Variants in TRPM3 observed in about 807,000 individuals in gnomAD.
The protein encoded by TRPM3 is long transient receptor potential channel 3.
A neutral mutation model predicts 181.2 loss-of-function variants in TRPM3; 77 were observed. The observed-to-expected ratio is 0.42, with a 90% CI of 0.35 to 0.51. TRPM3 has a LOEUF of 0.51. Ranked by LOEUF, TRPM3 falls within the 20% of genes least tolerant of loss-of-function variation. The probability of loss-of-function intolerance (pLI) is 0.01; values close to 1 mark genes in which losing one functional copy is unlikely to be tolerated. For synonymous variants in TRPM3, 745 were observed against 796.4 expected (o/e 0.94, Z 1.09); for missense variants, 1,759 against 2,196.7 (o/e 0.80, Z 3.98).
Position 70,843,146 on chromosome 9 carries a change from CATTG to C in TRPM3, c.677-23_677-20del. 1.9e-6 allele frequency: 3 copies of C among 1,592,252 alleles called. No individual in the cohort carries two copies. Among genetic ancestry groups the C allele is most frequent in the Non-Finnish European group, 2.6e-6 (3 of 1,173,294 alleles). ...ATAACACCTAAAAAAAAAAGAGAAG[CATTG>C]ATTTTTTCTTTTAAAGCAAATACCT... is the stretch of plus-strand genomic sequence containing the variant. On this transcript the variant is annotated intron_variant, in intron 4 of 25. Transcript: ENST00000677713.
chr9:70,926,821 T>A (rs2096725906), intron 1 of TRPM3, among the ~76,000 whole-genome samples: 1 of 152,210 alleles, frequency 6.6e-6, no homozygotes, highest in Admixed American at 6.5e-5. Context: ...AAAAACTAAA[T>A]TTTCAAAGGT....
chr9:71,276,601 C>T (rs2084232655), intron 1 of TRPM3, among the ~76,000 whole-genome samples: 2 of 152,056 alleles, frequency 1.3e-5, no homozygotes, highest in South Asian at 4.1e-4. Flanking sequence ...CAATTAAAAT[C>T]ATGAGATATA....
intron 1 of TRPM3, among the ~76,000 whole-genome samples, chr9:71,356,359 T>A (rs1287186247): frequency 6.6e-6 from 1 of 152,096 alleles, no homozygotes; most frequent in East Asian, 1.9e-4. Flanking sequence ...GTGTGTTGTT[T>A]CCCTGTATGC....
intron 1 of TRPM3, among the ~76,000 whole-genome samples, chr9:71,120,396 A>G (rs562618470): frequency 1.3e-5 from 2 of 152,296 alleles, no homozygotes; most frequent in East Asian, 1.9e-4. Context: ...AAGAAAGATC[A>G]TGAAGGTGGA....
At chr9:70,566,627 T>G (rs2050667252) in intron 22 of TRPM3, among the ~76,000 whole-genome samples, 1 of 152,224 alleles carries the variant, frequency 6.6e-6, no homozygotes, top group Non-Finnish European at 1.5e-5. Context: ...TCTTATCTAC[T>G]AAGTAAACCC....
intron 1 of TRPM3, among the ~76,000 whole-genome samples, chr9:71,041,830 A>G (rs2058859419): frequency 6.6e-6 from 1 of 152,074 alleles, no homozygotes; most frequent in African/African-American, 2.4e-5. Flanking sequence ...TCTATATTCA[A>G]AACAGAACAC....
intron 6 of TRPM3, among the ~76,000 whole-genome samples, chr9:70,822,414 G>T (rs895656437): frequency 6.6e-6 from 1 of 152,130 alleles, no homozygotes; most frequent in Non-Finnish European, 1.5e-5. Context: ...TCAATAGCAA[G>T]CCCTCTTGAG....
chr9:71,128,031 G>C (rs1233401763), intron 1 of TRPM3, among the ~76,000 whole-genome samples: 2 of 152,174 alleles, frequency 1.3e-5, no homozygotes, highest in Non-Finnish European at 2.9e-5. Flanking sequence ...CCCACAGCTA[G>C]TGATCTAGGA....
chr9:70,783,473 G>A (rs554410482), intron 7 of TRPM3, among the ~76,000 whole-genome samples: 1 of 152,238 alleles, frequency 6.6e-6, no homozygotes, highest in East Asian at 1.9e-4. Context: ...TGCTGTGAAG[G>A]GGGAATCTTT....
intron 1 of TRPM3, among the ~76,000 whole-genome samples, chr9:71,068,365 G>A (rs1475642400): frequency 1.3e-5 from 2 of 152,204 alleles, no homozygotes; most frequent in Non-Finnish European, 2.9e-5. Context: ...TCTGCTTCCT[G>A]CTTTCTGGCA....
chr9:70,646,962 G>A (rs934033365), intron 9 of TRPM3, among the ~76,000 whole-genome samples: 3 of 150,926 alleles, frequency 2.0e-5, no homozygotes, highest in African/African-American at 7.3e-5. Context: ...TAAATTCCTT[G>A]TAACATACAA....
chr9:71,201,233 T>C (rs1279203615), intron 1 of TRPM3, among the ~76,000 whole-genome samples: 2 of 152,106 alleles, frequency 1.3e-5, no homozygotes, highest in South Asian at 4.1e-4. Flanking sequence ...GAGTTTCTGC[T>C]GAGACATCTG....
chr9:70,831,886 G>A (rs1318083450), intron 5 of TRPM3, among the ~76,000 whole-genome samples: 1 of 147,740 alleles, frequency 6.8e-6, no homozygotes, highest in African/African-American at 2.5e-5. Flanking sequence ...ATGCTTGAGG[G>A]AATGACTACC....
chr9:70,596,100 A>G (rs1349242408), intron 21 of TRPM3, among the ~76,000 whole-genome samples: 1 of 152,204 alleles, frequency 6.6e-6, no homozygotes, highest in Non-Finnish European at 1.5e-5. Flanking sequence ...TTTGTCAACC[A>G]CCAACTATGA....
chr9:71,283,889 T>A (rs530446327), intron 1 of TRPM3, among the ~76,000 whole-genome samples: 2 of 152,350 alleles, frequency 1.3e-5, no homozygotes, highest in East Asian at 3.9e-4. Flanking sequence ...CTGAGAGTTA[T>A]GTTTCATAAT....
chr9:70,930,529 T>C (rs1268253363), intron 1 of TRPM3, among the ~76,000 whole-genome samples: 3 of 152,192 alleles, frequency 2.0e-5, no homozygotes, highest in Admixed American at 2.0e-4. Flanking sequence ...AATCTTAACA[T>C]TTAAGTCACA....
Position 71,332,378 on chromosome 9 carries a change from T to G in TRPM3, c.183+114275A>C, listed in dbSNP as rs202185743. Among the ~76,000 whole-genome samples the G allele has an allele frequency of 1.5e-3, 187 of 124,110 alleles. 2 individuals carry two copies. In the Middle Eastern group the frequency reaches 0.031, roughly 20 times the overall value. 81.4% of individuals were successfully genotyped at this position (124,110 alleles called of 152,430 possible). On this transcript the variant is annotated intron_variant, in intron 1 of 24. Transcript: ENST00000357533. Reference sequence around the variant, plus strand: ...TAGGTCAGTGGTTTTCAATGTTGGGTGTGTGTGTGTGTGTGTGTGTGTGTG... The same window carrying G: ...TAGGTCAGTGGTTTTCAATGTTGGGGGTGTGTGTGTGTGTGTGTGTGTGTG...
chr9:70,638,954 G>A (rs1412688257), intron 11 of TRPM3, 106 bp downstream of exon 11: 6 of 1,258,470 alleles, frequency 4.8e-6, no homozygotes, highest in Non-Finnish European at 6.6e-6. Flanking sequence ...AATGAACCAT[G>A]CATTTGGACG....
intron 1 of TRPM3, among the ~76,000 whole-genome samples, chr9:71,298,565 C>A (rs1380421072): frequency 6.6e-6 from 1 of 151,702 alleles, no homozygotes; most frequent in African/African-American, 2.4e-5. Context: ...TTCACTAATC[C>A]CATTAATTAT....
Sources: gnomAD v4.1 joint callset for allele counts (sites outside exome capture counted in the v4.1 genomes callset) on GRCh38, gnomAD v4.1.1 for gene constraint, MANE v1.5 for transcripts, NCBI Gene and HGNC (gene_info 2026-07-23, HGNC 2026-07-21) for gene names.